FAM118A: variants seen among roughly 807,000 people sequenced by gnomAD.
The protein encoded by FAM118A is protein FAM118A.
Under a neutral mutation model 38.2 loss-of-function variants are expected in FAM118A, and 25 were observed. The ratio of observed to expected loss-of-function variants is 0.65; its 90% CI spans 0.48 to 0.91. The LOEUF (loss-of-function observed/expected upper bound fraction) is 0.91. Ranked by LOEUF, FAM118A falls within the 40% of genes least tolerant of loss-of-function variation. FAM118A has a pLI of 0.00. For synonymous variants in FAM118A, 178 were observed against 184.1 expected (o/e 0.97, Z 0.27); for missense variants, 425 against 463.3 (o/e 0.92, Z 0.76).
intron 3 of FAM118A, among the ~76,000 whole-genome samples, chr22:45,326,693 G>C (rs1227806971): frequency 6.6e-6 from 1 of 151,944 alleles, no homozygotes; most frequent in Non-Finnish European, 1.5e-5. Flanking sequence ...TGGGTGTGGT[G>C]GTGCGCACCT....
intron 1 of FAM118A, among the ~76,000 whole-genome samples, chr22:45,311,626 T>C (rs1477708986): frequency 1.3e-5 from 2 of 152,094 alleles, no homozygotes; most frequent in African/African-American, 4.8e-5. Context: ...GGTTTGGTAC[T>C]TAAAGGGAGT....
intron 3 of FAM118A, among the ~76,000 whole-genome samples, chr22:45,327,473 C>T (rs1019256618): frequency 2.0e-5 from 3 of 152,174 alleles, no homozygotes; most frequent in Admixed American, 6.5e-5. Context: ...GTACCTGAGC[C>T]GTGACCTCAG....
intron 6 of FAM118A, among the ~76,000 whole-genome samples, 173 bp downstream of exon 6, chr22:45,332,883 A>G (rs1400702836): frequency 6.6e-6 from 1 of 151,616 alleles, no homozygotes; most frequent in Non-Finnish European, 1.5e-5. Context: ...AGCTGGCATT[A>G]CAGGCATGCG....
intron 1 of FAM118A, among the ~76,000 whole-genome samples, chr22:45,321,319 G>A (rs541999016): frequency 5.7e-4 from 87 of 152,274 alleles, no homozygotes; most frequent in African/African-American, 2.0e-3. Context: ...AGGATTATAG[G>A]CAAAACCTTA....
At chr22:45,321,617 G>T (rs2084883047) in intron 1 of FAM118A, 1 of 152,556 alleles carries the variant, frequency 6.6e-6, no homozygotes, top group African/African-American at 2.4e-5. Flanking sequence ...GGATCTTGCT[G>T]TATTGCCCAG....
chr22:45,327,793 AGTT>A, intron 3 of FAM118A, 46 bp from the exon 4 acceptor site: 1 of 1,582,552 alleles, frequency 6.3e-7, no homozygotes, highest in Non-Finnish European at 8.7e-7. Context: ...GGTGCTCAGT[AGTT>A]GTTAAGAGCT....
At chr22:45,319,023 G>A (rs1048403096) in intron 1 of FAM118A, 1 of 152,188 alleles carries the variant, frequency 6.6e-6, no homozygotes, top group Non-Finnish European at 1.5e-5. Context: ...ACTTAATTTC[G>A]GAGTTAAATA....
intron 1 of FAM118A, chr22:45,322,032 A>G (rs1308058179): frequency 2.5e-6 from 1 of 399,844 alleles, no homozygotes; most frequent in East Asian, 6.9e-5. Flanking sequence ...TGCACTGGAA[A>G]TTCTTCTAGA....
Position 45,336,223 on chromosome 22 carries a change from G to C in FAM118A, c.971-105G>C, listed in dbSNP as rs2086085472. ...GTGGTTGATGTCATCTCTAGTGGATGGCAGGGTCTGCTTGGCCAGTGCTTC... is the reference window on the plus strand; with the variant it reads ...GTGGTTGATGTCATCTCTAGTGGATCGCAGGGTCTGCTTGGCCAGTGCTTC... On this transcript the variant is annotated intron_variant, in intron 7 of 8. Transcript: ENST00000441876. 3 of 770,568 alleles carry C rather than the reference G, an allele frequency of 3.9e-6. No individual in the cohort carries two copies. The South Asian group carries it at 5.4e-5, about 14-fold the overall frequency. 47.7% of individuals were successfully genotyped at this position (770,568 alleles called of 1,614,324 possible). A position where few individuals can be genotyped will look rare whatever the true frequency, so the allele number is the denominator to read the frequency against.
At chr22:45,334,273 A>G (rs1249053452) in intron 6 of FAM118A, among the ~76,000 whole-genome samples, 3 of 152,176 alleles carry the variant, frequency 2.0e-5, no homozygotes, top group Non-Finnish European at 4.4e-5. Context: ...CAAGCTTGGA[A>G]AGGCCTGTGC....
chr22:45,334,556 GCTC>G (rs2085952570), intron 6 of FAM118A, among the ~76,000 whole-genome samples: 1 of 152,160 alleles, frequency 6.6e-6, no homozygotes, highest in Non-Finnish European at 1.5e-5. Context: ...GAAGAAAAGA[GCTC>G]CTGCTTGCCA....
chr22:45,339,200 AG>A (rs2086308414), intron 8 of FAM118A, among the ~76,000 whole-genome samples: 1 of 152,222 alleles, frequency 6.6e-6, no homozygotes, highest in Admixed American at 6.5e-5. Context: ...AGGCCAGGTC[AG>A]CCTGGCCAAC....
intron 6 of FAM118A, among the ~76,000 whole-genome samples, chr22:45,334,157 C>T (rs1048916392): frequency 1.3e-5 from 2 of 152,184 alleles, no homozygotes; most frequent in African/African-American, 4.8e-5. Flanking sequence ...AGAAATTGCT[C>T]ATCTATCAGG....
At chr22:45,339,640 C>T (rs1261587862) in intron 8 of FAM118A, among the ~76,000 whole-genome samples, 1 of 152,108 alleles carries the variant, frequency 6.6e-6, no homozygotes, top group Non-Finnish European at 1.5e-5. Context: ...CTTTCTTTCA[C>T]GTTCATTGTT....
intron 1 of FAM118A, among the ~76,000 whole-genome samples, chr22:45,311,059 G>T (rs567073048): frequency 1.3e-5 from 2 of 152,274 alleles, no homozygotes; most frequent in South Asian, 4.1e-4. Context: ...CTGTGTCGTC[G>T]CTGGCAGGGA....
intron 3 of FAM118A, among the ~76,000 whole-genome samples, chr22:45,323,927 G>C (rs1418281885): frequency 6.6e-6 from 1 of 152,226 alleles, no homozygotes; most frequent in Non-Finnish European, 1.5e-5. Flanking sequence ...GAGGCCCTGG[G>C]GCCGATGGGT....
chr22:45,334,513 T>A (rs950449739), intron 6 of FAM118A, among the ~76,000 whole-genome samples: 3 of 152,200 alleles, frequency 2.0e-5, no homozygotes, highest in Admixed American at 6.5e-5. Context: ...TAAATAAAAG[T>A]ATGATTAGGG....
At chr22:45,312,504 C>A (rs773025194) in intron 1 of FAM118A, among the ~76,000 whole-genome samples, 17 of 152,162 alleles carry the variant, frequency 1.1e-4, no homozygotes, top group South Asian at 2.1e-4. Flanking sequence ...AGAACCCCAT[C>A]TCTACTAAAA....
At chr22:45,336,078 C>T (rs1008815957) in intron 7 of FAM118A, among the ~76,000 whole-genome samples, 4 of 152,176 alleles carry the variant, frequency 2.6e-5, no homozygotes, top group African/African-American at 9.7e-5. Context: ...AGTATGAAAC[C>T]GCCGCAGTCG....
Sources: gnomAD v4.1 joint callset for allele counts (sites outside exome capture counted in the v4.1 genomes callset) on GRCh38, gnomAD v4.1.1 for gene constraint, MANE v1.5 for transcripts, NCBI Gene and HGNC (gene_info 2026-07-23, HGNC 2026-07-21) for gene names.